Variants in DMD observed in about 807,000 individuals in gnomAD.
The protein encoded by DMD is dystrophin, also known as mutant dystrophin.
DMD carries 63 observed loss-of-function variants against 330.1 expected under a neutral mutation model. The ratio of observed to expected loss-of-function variants is 0.19; its 90% CI spans 0.16 to 0.24. DMD has a LOEUF of 0.24. Ranked by LOEUF, DMD falls within the 10% of genes least tolerant of loss-of-function variation. The pLI is 1.00. For missense variants in DMD, 3,344 were observed against 2,684.1 expected (o/e 1.25, Z -5.43); for synonymous variants, 1,223 against 959.8 (o/e 1.27, Z -5.07).
intron 7 of DMD, among the ~76,000 whole-genome samples, chrX:32,709,118 G>A (rs752480183): frequency 8.0e-5 from 9 of 111,852 alleles, no homozygotes; most frequent in Non-Finnish European, 9.4e-5. Flanking sequence ...AATTTCATTT[G>A]AGTTTGGAGT....
At chrX:31,618,578 TG>T (rs754052518) in intron 55 of DMD, among the ~76,000 whole-genome samples, 1 of 112,048 alleles carries the variant, frequency 8.9e-6, no homozygotes, top group East Asian at 2.8e-4. Flanking sequence ...TTGGTGATCT[TG>T]GGTCTTTCCC....
intron 1 of DMD, among the ~76,000 whole-genome samples, chrX:33,160,438 T>C (rs186835385): frequency 2.1e-3 from 239 of 111,769 alleles, no homozygotes; most frequent in African/African-American, 7.3e-3. Flanking sequence ...TGAGTGTGTC[T>C]TGGATGCCTT....
intron 41 of DMD, among the ~76,000 whole-genome samples, chrX:32,319,255 C>G (rs1379534970): frequency 9.1e-6 from 1 of 110,264 alleles, no homozygotes; most frequent in Non-Finnish European, 1.9e-5. Flanking sequence ...TATATAAGCA[C>G]CAACAATCAT....
intron 7 of DMD, among the ~76,000 whole-genome samples, chrX:32,772,668 T>C (rs766352496): frequency 9.0e-6 from 1 of 111,222 alleles, no homozygotes; most frequent in South Asian, 3.8e-4. Flanking sequence ...GAGTTGATCA[T>C]TTCTCCCTAT....
At chrX:31,463,702 C>T (rs2066674689) in intron 59 of DMD, among the ~76,000 whole-genome samples, 1 of 111,548 alleles carries the variant, frequency 9.0e-6, no homozygotes, top group Non-Finnish European at 1.9e-5. Context: ...AAATAAATAA[C>T]TCACATTTTA....
At chrX:33,003,449 T>TA (rs1036321057) in intron 2 of DMD, among the ~76,000 whole-genome samples, 2 of 111,727 alleles carry the variant, frequency 1.8e-5, no homozygotes, top group African/African-American at 6.6e-5. Flanking sequence ...AAGTTAGTGC[T>TA]ATTATTTTAT....
intron 7 of DMD, among the ~76,000 whole-genome samples, chrX:32,807,515 G>C: frequency 9.0e-6 from 1 of 111,123 alleles, no homozygotes; most frequent in Non-Finnish European, 1.9e-5. Context: ...TGAAGTTTGA[G>C]ACAGTAAAAT....
chrX:32,524,546 T>C (rs1015607676), intron 17 of DMD, among the ~76,000 whole-genome samples: 3 of 112,067 alleles, frequency 2.7e-5, no homozygotes, highest in Non-Finnish European at 5.6e-5. Context: ...TCTCTGTAAA[T>C]TAGGATTAAA....
At chrX:32,819,559 C>G (rs1983838033) in intron 5 of DMD, among the ~76,000 whole-genome samples, 1 of 111,764 alleles carries the variant, frequency 8.9e-6, no homozygotes. Flanking sequence ...ATATGCGTTA[C>G]TGTTTTAGGC....
intron 60 of DMD, among the ~76,000 whole-genome samples, chrX:31,367,258 T>C (rs763786103): frequency 1.6e-4 from 18 of 111,709 alleles, no homozygotes; most frequent in African/African-American, 4.6e-4. Flanking sequence ...TGCTTCTTTA[T>C]TTCTAATTAT....
intron 11 of DMD, among the ~76,000 whole-genome samples, chrX:32,622,488 A>C (rs1444035156): frequency 1.8e-5 from 2 of 111,964 alleles, no homozygotes; most frequent in Non-Finnish European, 3.8e-5. Flanking sequence ...CCAGTAGTTA[A>C]AATTTGAGAT....
At chrX:31,128,921 A>AT (rs1044096839) in intron 77 of DMD, among the ~76,000 whole-genome samples, 5 of 112,428 alleles carry the variant, frequency 4.4e-5, no homozygotes, top group Admixed American at 9.4e-5. Context: ...TGATTACAAC[A>AT]TTTTTAAAAG....
chrX:32,504,318 T>C (rs139785457), intron 18 of DMD, among the ~76,000 whole-genome samples: 2,026 of 111,980 alleles, frequency 0.018, 47 homozygotes, highest in African/African-American at 0.062. Context: ...CAACATTGAA[T>C]ATATCTGTAC....
At chrX:32,862,913 A>G (rs1317367918) in intron 2 of DMD, among the ~76,000 whole-genome samples, 3 of 109,927 alleles carry the variant, frequency 2.7e-5, no homozygotes, top group Non-Finnish European at 3.8e-5. Context: ...ATTTTTTTAT[A>G]TTTTTAGTAG....
chrX:32,860,523 G>C (rs781286901), intron 2 of DMD, among the ~76,000 whole-genome samples: 1 of 111,187 alleles, frequency 9.0e-6, no homozygotes, highest in Non-Finnish European at 1.9e-5. Flanking sequence ...CTGCTGACCA[G>C]CTCCCAGAAA....
At chrX:32,311,286 G>A (rs953609879) in intron 41 of DMD, among the ~76,000 whole-genome samples, 1 of 110,904 alleles carries the variant, frequency 9.0e-6, no homozygotes, top group Non-Finnish European at 1.9e-5. Flanking sequence ...GCATGCTAAC[G>A]TAGCCATTTA....
At chrX:32,803,014 A>T (rs755975208) in intron 7 of DMD, among the ~76,000 whole-genome samples, 2 of 111,020 alleles carry the variant, frequency 1.8e-5, no homozygotes, top group Non-Finnish European at 1.9e-5. Context: ...TTATTTTTCT[A>T]TTGTTTGGAA....
At chrX:31,772,452 G>C (rs960615762) in intron 51 of DMD, among the ~76,000 whole-genome samples, 9 of 111,719 alleles carry the variant, frequency 8.1e-5, no homozygotes, top group African/African-American at 2.9e-4. Context: ...AACTCAATAT[G>C]GTATTGTAAA....
chrX:32,522,322 C>T (rs1199446293), intron 17 of DMD, among the ~76,000 whole-genome samples: 3 of 111,808 alleles, frequency 2.7e-5, no homozygotes, highest in Non-Finnish European at 3.8e-5. Flanking sequence ...ATGGAACTCT[C>T]TCTTTTATGT....
Sources: allele counts gnomAD v4.1 joint callset (sites outside exome capture counted in the v4.1 genomes callset), GRCh38; gene constraint gnomAD v4.1.1; transcripts MANE v1.5; gene names NCBI Gene and HGNC (gene_info 2026-07-23, HGNC 2026-07-21).